Variants in ANKRD11 observed in about 807,000 individuals in gnomAD.
ANKRD11 encodes the protein ankyrin repeat domain 11, also known as ankyrin repeat domain-containing protein 11.
In ANKRD11, 17 loss-of-function variants were observed where a neutral mutation model predicts 195.7. That is an observed-to-expected ratio of 0.09 (90% CI 0.06 to 0.13). The LOEUF (loss-of-function observed/expected upper bound fraction) is 0.13, where lower values mean the gene tolerates loss of function less well. Ranked by LOEUF, ANKRD11 falls within the 10% of genes least tolerant of loss-of-function variation. ANKRD11 has a pLI of 1.00. For synonymous variants in ANKRD11, 1,953 were observed against 1,528.1 expected (o/e 1.28, Z -6.49); for missense variants, 3,735 against 3,566.1 (o/e 1.05, Z -1.21).
chr16:89,300,671 G>A (rs2035794809), intron 4 of ANKRD11: 1 of 531,124 alleles, frequency 1.9e-6, no homozygotes, highest in Non-Finnish European at 3.3e-6. Flanking sequence ...CGTCAGAACA[G>A]CCGTCTCCTA....
chr16:89,437,085 ACACC>A (rs2043245965), intron 1 of ANKRD11, among the ~76,000 whole-genome samples: 1 of 152,230 alleles, frequency 6.6e-6, no homozygotes, highest in Non-Finnish European at 1.5e-5. Flanking sequence ...ACGACAACAC[ACACC>A]CAAACGGCAT....
In ANKRD11 at chr16:89,285,785, C is replaced by T; in HGVS notation, c.893-136G>A. On this transcript the variant is annotated intron_variant, in intron 8 of 12. Coordinates refer to ENST00000301030, the MANE Select transcript of ANKRD11 (RefSeq NM_013275.6). The surrounding 1 kb of genome is among the most constrained non-coding windows in gnomAD (Gnocchi z 5.6). Reference sequence around the variant, plus strand: ...CTCTGCAGAGACACTTTGCTCGACTCATGGAAACCAGCCACAGGCAGGAGG... The same window carrying T: ...CTCTGCAGAGACACTTTGCTCGACTTATGGAAACCAGCCACAGGCAGGAGG... 8.9e-7 allele frequency: 1 copy of T among 1,124,430 alleles called. No homozygotes were observed. The highest frequency in any genetic ancestry group is 1.5e-5 in the African/African-American group (1 of 65,024). 69.7% of individuals were successfully genotyped at this position (1,124,430 alleles called of 1,614,324 possible).
rs2038883361 is a variant in ANKRD11, at chr16:89,345,249, C to A, written c.-59-28171G>T. Among the ~76,000 whole-genome samples the A allele has an allele frequency of 4.9e-5, 7 of 141,792 alleles. No homozygotes were observed. The South Asian group carries it at 1.7e-3, about 34-fold the overall frequency. The allele number at this position is 141,792 out of a possible 152,430, so 93.0% of individuals were successfully genotyped here. ...CGGCAAAAAAACATATTACAAGCCC[C>A]CCCTCCCCACCCCCCGGCAAAAGGA... On this transcript the variant is annotated intron_variant, in intron 2 of 12. Coordinates refer to ENST00000301030, the MANE Select transcript of ANKRD11 (RefSeq NM_013275.6).
At chr16:89,381,737 C>T (rs1023768798) in intron 2 of ANKRD11, among the ~76,000 whole-genome samples, 2 of 152,188 alleles carry the variant, frequency 1.3e-5, no homozygotes, top group African/African-American at 4.8e-5. Context: ...GAATACCTGT[C>T]AGCATATACA....
At chr16:89,461,637 C>T (rs1016524787) in intron 1 of ANKRD11, among the ~76,000 whole-genome samples, 1 of 152,128 alleles carries the variant, frequency 6.6e-6, no homozygotes, top group Non-Finnish European at 1.5e-5. Flanking sequence ...CACCACACCC[C>T]ACTTAATAAT....
At chr16:89,477,887 G>A (rs986752287) in intron 1 of ANKRD11, among the ~76,000 whole-genome samples, 2 of 151,994 alleles carry the variant, frequency 1.3e-5, no homozygotes, top group Admixed American at 6.5e-5. Context: ...GAACGCAGGA[G>A]GCGAAGGTTT....
In ANKRD11 at chr16:89,464,379, C is replaced by A. The variant is rs562262204; in HGVS notation, c.-145+25866G>T. Among the ~76,000 whole-genome samples, 34 of 151,722 alleles carry A rather than the reference C, an allele frequency of 2.2e-4. No homozygotes were observed. The South Asian group carries it at 6.9e-3, about 31-fold the overall frequency. ...ATCCCAGCACTTTGGGAGGCCGAGG[C>A]AGGCAGATCACGAGGTCAGGAGTTC... On this transcript the variant is annotated intron_variant, in intron 1 of 12. Transcript: ENST00000301030.
chr16:89,282,913 T>A lies in ANKRD11; in HGVS notation c.3629A>T (p.Asp1210Val), dbSNP rs2034381305. Residue 1210 changes from aspartate (D) to valine (V), a missense_variant, in exon 9 of 13, where the codon GAT becomes GTT. Physicochemically the swap from Asp to Val is radical, Grantham distance 152. Coordinates refer to ENST00000301030, the MANE Select transcript of ANKRD11 (RefSeq NM_013275.6). ...KVFEKHKEKK[D>V]KESTEKYKDR... The stretch of plus-strand genomic sequence containing the variant: ...CTTGTACTTTTCTGTGGACTCTTTA[T>A]CCTTCTTCTCCTTGTGCTTTTCAAA... 3 of 1,613,190 alleles carry A rather than the reference T, an allele frequency of 1.9e-6. No individual in the cohort carries two copies. In the African/African-American group the frequency reaches 4.0e-5, roughly 22 times the overall value.
At chr16:89,429,993 C>T (rs1392110026) in intron 1 of ANKRD11, among the ~76,000 whole-genome samples, 5 of 118,922 alleles carry the variant, frequency 4.2e-5, no homozygotes, top group Non-Finnish European at 8.7e-5. Flanking sequence ...CACGCTCAGT[C>T]GTTCTAGTAC....
In ANKRD11 at chr16:89,292,801, C is replaced by T. The variant is rs573810917; in HGVS notation, c.227-1618G>A. On this transcript the variant is annotated intron_variant, in intron 4 of 12. Transcript: ENST00000301030. ...AGCCCCAGCCTACAGCCATCATTGG[C>T]GTAGCCACACCTTAGCAGTGAGCTT... Among the ~76,000 whole-genome samples the T allele has an allele frequency of 4.4e-3, 665 of 152,354 alleles. 2 individuals are homozygous for T. Among genetic ancestry groups the T allele is most frequent in the Non-Finnish European group, 7.4e-3 (502 of 68,026 alleles).
intron 3 of ANKRD11, among the ~76,000 whole-genome samples, chr16:89,309,875 T>G (rs895506454): frequency 1.3e-5 from 2 of 152,192 alleles, no homozygotes; most frequent in South Asian, 2.1e-4. Context: ...GACCACCAGA[T>G]AGTGACAGCC....
chr16:89,357,966 T>C (rs779701813), intron 2 of ANKRD11, among the ~76,000 whole-genome samples: 93 of 152,248 alleles, frequency 6.1e-4, no homozygotes, highest in Non-Finnish European at 1.6e-4. Flanking sequence ...CAGATTTAGT[T>C]ATGATGCTCA....
chr16:89,468,340 G>T (rs1030236489), intron 1 of ANKRD11, among the ~76,000 whole-genome samples: 2 of 152,146 alleles, frequency 1.3e-5, no homozygotes, highest in African/African-American at 4.8e-5. Context: ...CAATCATGAG[G>T]TCGGGGGGAA....
chr16:89,322,195 TTTGTATTA>T, intron 2 of ANKRD11, among the ~76,000 whole-genome samples: 2 of 152,226 alleles, frequency 1.3e-5, no homozygotes, highest in African/African-American at 4.8e-5. Context: ...TTTGCTGTAA[TTTGTATTA>T]AAACACCAAG....
chr16:89,338,118 C>T (rs9939512), intron 2 of ANKRD11, among the ~76,000 whole-genome samples: 1 of 152,200 alleles, frequency 6.6e-6, no homozygotes, highest in African/African-American at 2.4e-5. Context: ...CCCAGGACGC[C>T]GCCCGTCAGG....
At chr16:89,295,359 T>G (rs1407772355) in intron 4 of ANKRD11, among the ~76,000 whole-genome samples, 3 of 151,938 alleles carry the variant, frequency 2.0e-5, no homozygotes, top group African/African-American at 7.3e-5. Context: ...GACCTGAGCC[T>G]GGGCGGCCAC....
chr16:89,275,764 G>A (rs1193683236), intron 9 of ANKRD11, among the ~76,000 whole-genome samples: 1 of 152,244 alleles, frequency 6.6e-6, no homozygotes, highest in Non-Finnish European at 1.5e-5. Context: ...CCCACCAGCA[G>A]AAGGGTTCTC....
intron 4 of ANKRD11, among the ~76,000 whole-genome samples, chr16:89,292,947 A>G (rs1398913293): frequency 1.3e-5 from 2 of 152,108 alleles, no homozygotes; most frequent in African/African-American, 4.8e-5. Flanking sequence ...TAAACAACAG[A>G]AGCAGGCCTG....
intron 1 of ANKRD11, among the ~76,000 whole-genome samples, chr16:89,472,351 C>T (rs7196903): frequency 0.17 from 25,505 of 151,690 alleles, 2,232 homozygotes; most frequent in Middle Eastern, 0.2. Context: ...GGTGCAATAT[C>T]AGGAGATCTG....
Sources: allele counts gnomAD v4.1 joint callset (sites outside exome capture counted in the v4.1 genomes callset), GRCh38; gene constraint gnomAD v4.1.1; non-coding constraint Gnocchi (gnomAD v3.1); transcripts MANE v1.5; gene names NCBI Gene and HGNC (gene_info 2026-07-23, HGNC 2026-07-21).